PKIA: variants seen among roughly 807,000 people sequenced by gnomAD.
PKIA encodes the protein PKI-alpha.
In PKIA, 4 loss-of-function variants were observed where a neutral mutation model predicts 7.6. The ratio of observed to expected loss-of-function variants is 0.52; its 90% CI spans 0.26 to 1.20. The LOEUF (loss-of-function observed/expected upper bound fraction) is 1.20. PKIA is among the 50% of genes most tolerant of loss of function. The pLI, the probability that PKIA is intolerant of heterozygous loss-of-function variation, is 0.13. For synonymous variants in PKIA, 21 were observed against 30.7 expected, an observed-to-expected ratio of 0.68 and a Z score of 1.04; for missense variants, 73 against 86.2, an observed-to-expected ratio of 0.85 and a Z score of 0.61.
intron 1 of PKIA, among the ~76,000 whole-genome samples, chr8:78,559,113 G>C (rs1169099189): frequency 2.0e-5 from 3 of 152,198 alleles, no homozygotes; most frequent in East Asian, 3.9e-4. Flanking sequence ...GTAGAGACAG[G>C]GTTTCACCAT....
At chr8:78,555,402 A>G (rs7819136) in intron 1 of PKIA, among the ~76,000 whole-genome samples, 390 of 152,160 alleles carry the variant, frequency 2.6e-3, no homozygotes, top group African/African-American at 9.0e-3. Flanking sequence ...AATAGAAAAG[A>G]AAGGCTAAAG....
At chr8:78,593,328 G>C (rs1045542568) in intron 2 of PKIA, among the ~76,000 whole-genome samples, 1 of 152,090 alleles carries the variant, frequency 6.6e-6, no homozygotes, top group Admixed American at 6.6e-5. Flanking sequence ...TCACCATGTT[G>C]GTCAGGGTGG....
rs150511894 is a variant in PKIA at position 78,592,422 on chromosome 8, A to T, written c.-27-5936A>T. Among the ~76,000 whole-genome samples the T allele has an allele frequency of 6.8e-3, 1,034 of 152,210 alleles. 15 individuals carry two copies. The highest frequency in any genetic ancestry group is 0.022 in the African/African-American group (913 of 41,540). On this transcript the variant is annotated intron_variant, in intron 2 of 3. Transcript: ENST00000396418. ...TAATTATATTGGCTACTCTAACTGGATATCCAGTGCTTAGTTTCTATGTTA... is the reference window on the plus strand; with the variant it reads ...TAATTATATTGGCTACTCTAACTGGTTATCCAGTGCTTAGTTTCTATGTTA...
In PKIA at chr8:78,572,945, A is replaced by G. The variant is rs1018820790; in HGVS notation, c.-28+6A>G. On this transcript the variant is annotated splice_donor_region_variant and intron_variant, in intron 2 of 3. Transcript: ENST00000396418. ...ACAAGAAGGTTTCCAATCAGGTAGG[A>G]ACACTAATTCTCAAACATTTAATTA... is the stretch of plus-strand genomic sequence containing the variant. 1.3e-5 allele frequency: 2 copies of G among 152,024 alleles called. No individual in the cohort carries two copies. The highest frequency in any genetic ancestry group is 4.8e-5 in the African/African-American group (2 of 41,416). The allele number at this position is 152,024 out of a possible 1,614,324, so 9.4% of individuals were successfully genotyped here.
intron 1 of PKIA, among the ~76,000 whole-genome samples, chr8:78,539,924 C>T (rs888298212): frequency 6.6e-6 from 1 of 151,850 alleles, no homozygotes; most frequent in African/African-American, 2.4e-5. Context: ...TTCTGTCTTA[C>T]ACATTATATG....
At chr8:78,549,726 CAAAA>C (rs10708020) in intron 1 of PKIA, among the ~76,000 whole-genome samples, 1 of 123,214 alleles carries the variant, frequency 8.1e-6, no homozygotes. Flanking sequence ...ACTGAAATAC[CAAAA>C]AAAAAAAAAA....
At chr8:78,592,644 G>C (rs1808129172) in intron 2 of PKIA, among the ~76,000 whole-genome samples, 1 of 151,922 alleles carries the variant, frequency 6.6e-6, no homozygotes, top group South Asian at 2.1e-4. Flanking sequence ...TTCATTACTT[G>C]GGAGTGCACT....
At chr8:78,576,953 T>G (rs1019742026) in intron 2 of PKIA, among the ~76,000 whole-genome samples, 1 of 151,926 alleles carries the variant, frequency 6.6e-6, no homozygotes, top group East Asian at 1.9e-4. Flanking sequence ...AATGATAGAC[T>G]GGATAAAGAA....
At chr8:78,584,834 T>C (rs1171388951) in intron 2 of PKIA, among the ~76,000 whole-genome samples, 1 of 152,112 alleles carries the variant, frequency 6.6e-6, no homozygotes, top group Non-Finnish European at 1.5e-5. Context: ...GATTTTGAGA[T>C]CTTTTAACGT....
intron 1 of PKIA, among the ~76,000 whole-genome samples, chr8:78,546,671 C>T (rs1238400886): frequency 6.6e-6 from 1 of 152,126 alleles, no homozygotes; most frequent in African/African-American, 2.4e-5. Flanking sequence ...GAAATTGGCA[C>T]CTGATTGTTT....
chr8:78,545,912 G>A (rs894086703), intron 1 of PKIA, among the ~76,000 whole-genome samples: 2 of 152,120 alleles, frequency 1.3e-5, no homozygotes, highest in African/African-American at 4.8e-5. Context: ...CATCTTAAGT[G>A]ACAGATATTT....
In PKIA at chr8:78,598,500, C is replaced by T; in HGVS notation, c.116C>T (p.Ala39Val). The T allele has an allele frequency of 1.9e-6, 3 of 1,610,984 alleles. No individual in the cohort carries two copies. The highest frequency in any genetic ancestry group is 2.2e-5 in the East Asian group (1 of 44,716). The change falls in exon 3 of 4, where the codon GCC becomes GTC. Residue 39 changes from alanine to valine, a missense_variant. Transcript: ENST00000396418. ...GCAAGTGGCAACAGCAATGAATTAGCCTTGAAATTAGCAGGTCTTGATATC... is the reference window on the plus strand; with the variant it reads ...GCAAGTGGCAACAGCAATGAATTAGTCTTGAAATTAGCAGGTCTTGATATC... ...SSASGNSNEL[A>V]LKLAGLDINK...
intron 1 of PKIA, among the ~76,000 whole-genome samples, chr8:78,530,402 T>G (rs1806361463): frequency 6.6e-6 from 1 of 152,044 alleles, no homozygotes; most frequent in Non-Finnish European, 1.5e-5. Context: ...CTGGTCTGCT[T>G]CTAGTTATAA....
At chr8:78,565,599 G>C (rs1021650390) in intron 1 of PKIA, among the ~76,000 whole-genome samples, 1 of 151,822 alleles carries the variant, frequency 6.6e-6, no homozygotes. Context: ...AAGGATACCT[G>C]GCAGTGCTCT....
At chr8:78,524,793 C>A (rs886657812) in intron 1 of PKIA, among the ~76,000 whole-genome samples, 1 of 151,794 alleles carries the variant, frequency 6.6e-6, no homozygotes, top group Non-Finnish European at 1.5e-5. Context: ...ATTCAATAAA[C>A]GTAAATTGTT....
At chr8:78,597,282 T>G (rs903204356) in intron 2 of PKIA, among the ~76,000 whole-genome samples, 40 of 152,214 alleles carry the variant, frequency 2.6e-4, no homozygotes, top group Non-Finnish European at 2.9e-4. Flanking sequence ...ATGGCCATTT[T>G]AATGATAGAA....
At chr8:78,544,731 A>G (rs1352475419) in intron 1 of PKIA, among the ~76,000 whole-genome samples, 1 of 152,212 alleles carries the variant, frequency 6.6e-6, no homozygotes, top group East Asian at 1.9e-4. Context: ...AGAAGATAAC[A>G]ACAGAGAGTA....
intron 1 of PKIA, among the ~76,000 whole-genome samples, chr8:78,536,177 GA>G (rs1806517169): frequency 6.6e-6 from 1 of 151,928 alleles, no homozygotes; most frequent in Non-Finnish European, 1.5e-5. Context: ...TTTAGCTTCT[GA>G]AATTTGTCCT....
chr8:78,598,311 C>A, intron 2 of PKIA, 47 bp from the exon 3 acceptor site: 1 of 1,163,068 alleles, frequency 8.6e-7, no homozygotes, highest in Non-Finnish European at 1.2e-6. Flanking sequence ...AAATGTTTAG[C>A]ATTGACTACC....
Sources: gnomAD v4.1 joint callset for allele counts (sites outside exome capture counted in the v4.1 genomes callset) on GRCh38, gnomAD v4.1.1 for gene constraint, MANE v1.5 for transcripts, NCBI Gene and HGNC (gene_info 2026-07-23, HGNC 2026-07-21) for gene names.